DPYSL3: variants seen among roughly 807,000 people sequenced by gnomAD.
DPYSL3 encodes dihydropyrimidinase like 3.
A neutral mutation model predicts 66.1 loss-of-function variants in DPYSL3; 16 were observed. The ratio of observed to expected loss-of-function variants is 0.24; its 90% CI spans 0.16 to 0.37. The LOEUF (loss-of-function observed/expected upper bound fraction) is 0.37. DPYSL3 is among the 10% of genes least tolerant of loss of function. DPYSL3 has a pLI of 1.00. For synonymous variants in DPYSL3, 338 were observed against 345.1 expected (o/e 0.98, Z 0.23); for missense variants, 738 against 916.2 (o/e 0.81, Z 2.51).
chr5:147,466,531 G>A lies in DPYSL3; in HGVS notation c.382-41568C>T, dbSNP rs1753012305. Among the ~76,000 whole-genome samples, 5 of 152,122 alleles carry A rather than the reference G, an allele frequency of 3.3e-5. No homozygotes were observed. In the South Asian group the frequency reaches 8.3e-4, roughly 25 times the overall value. ...AAAAGCCTGTCTGAGAACATGCGCC[G>A]GAGCTGCTGAATCTTCAGTTAAGTG... On this transcript the variant is annotated intron_variant, in intron 1 of 13. Transcript: ENST00000343218.
chr5:147,434,750 G>T (rs1752386460), intron 1 of DPYSL3, among the ~76,000 whole-genome samples: 1 of 151,798 alleles, frequency 6.6e-6, no homozygotes, highest in South Asian at 2.1e-4. Flanking sequence ...GGGGGGTAGG[G>T]GAACAGGGAG....
chr5:147,404,254 C>T (rs1758275370), intron 8 of DPYSL3, among the ~76,000 whole-genome samples: 1 of 152,220 alleles, frequency 6.6e-6, no homozygotes, highest in African/African-American at 2.4e-5. Context: ...GAGAAAACAG[C>T]AGGCCTACGA....
chr5:147,479,076 A>G (rs369022290), intron 1 of DPYSL3, among the ~76,000 whole-genome samples: 7 of 150,614 alleles, frequency 4.6e-5, no homozygotes. Flanking sequence ...TAATTAAAGG[A>G]AAAAAAAAGT....
At chr5:147,424,615 AAAGCCTT>A (rs150661865) in intron 2 of DPYSL3, among the ~76,000 whole-genome samples, 1 of 152,284 alleles carries the variant, frequency 6.6e-6, no homozygotes, top group East Asian at 1.9e-4. Flanking sequence ...CCTATTGCAC[AAAGCCTT>A]ATATTTTTAG....
intron 4 of DPYSL3, 147 bp downstream of exon 4, chr5:147,415,562 G>A: frequency 1.0e-6 from 1 of 961,160 alleles, no homozygotes; most frequent in Admixed American, 2.4e-5. Context: ...TAAAGTGCCT[G>A]GAACATTGTG....
Position 147,397,683 on chromosome 5 carries a change from T to G in DPYSL3, c.1786A>C (p.Ile596Leu), listed in dbSNP as rs965952237. 11 of 1,613,860 alleles carry G rather than the reference T, an allele frequency of 6.8e-6. No homozygotes were observed. Among genetic ancestry groups the G allele is most frequent in the Non-Finnish European group, 9.3e-6 (11 of 1,179,898 alleles). Residue 596 changes from isoleucine to leucine, a missense_variant, in exon 12 of 14, where the codon ATT (isoleucine) becomes CTT (leucine). Physicochemically the swap from Ile to Leu is conservative, Grantham distance 5. Transcript: ENST00000343218. Reference sequence around the variant, plus strand: ...CTTTTTACCTTCCTCCGTGCTTTAATGCGCTTGTAGACATAGTCGGAGAAC... The same window carrying G: ...CTTTTTACCTTCCTCCGTGCTTTAAGGCGCTTGTAGACATAGTCGGAGAAC... ...SPFSDYVYKR[I>L]KARRKMADLH...
chr5:147,507,539 T>A (rs1490064473), intron 1 of DPYSL3, among the ~76,000 whole-genome samples: 3 of 152,178 alleles, frequency 2.0e-5, no homozygotes, highest in African/African-American at 7.2e-5. Flanking sequence ...TCTAGCCACA[T>A]AGATAAATCC....
At chr5:147,480,706 T>TA (rs953765443) in intron 1 of DPYSL3, among the ~76,000 whole-genome samples, 196 of 42,504 alleles carry the variant, frequency 4.6e-3, no homozygotes, top group Middle Eastern at 0.037. Flanking sequence ...TATATATATA[T>TA]TATTATTATT....
intron 1 of DPYSL3, among the ~76,000 whole-genome samples, chr5:147,500,613 C>CAA (rs755104191): frequency 8.9e-4 from 51 of 57,192 alleles, no homozygotes; most frequent in African/African-American, 2.1e-3. Context: ...GACTCCATCT[C>CAA]AAAAAAAAAA....
At chr5:147,394,305 G>A (rs537854838) in intron 13 of DPYSL3, among the ~76,000 whole-genome samples, 182 bp from the exon 14 acceptor site, 11 of 152,224 alleles carry the variant, frequency 7.2e-5, no homozygotes, top group African/African-American at 2.4e-4. Flanking sequence ...TTATGGCCCC[G>A]AAAACTAGCC....
chr5:147,428,576 C>T (rs1752244402), intron 1 of DPYSL3, among the ~76,000 whole-genome samples: 1 of 152,138 alleles, frequency 6.6e-6, no homozygotes, highest in Non-Finnish European at 1.5e-5. Context: ...TCTATGAATT[C>T]ATGGATGAGC....
intron 1 of DPYSL3, among the ~76,000 whole-genome samples, chr5:147,444,617 T>G (rs1380979199): frequency 6.6e-6 from 1 of 152,172 alleles, no homozygotes; most frequent in Non-Finnish European, 1.5e-5. Context: ...AAGGCTCTAG[T>G]GATTACCATT....
At chr5:147,478,379 G>A (rs1170042263) in intron 1 of DPYSL3, among the ~76,000 whole-genome samples, 3 of 152,180 alleles carry the variant, frequency 2.0e-5, no homozygotes, top group African/African-American at 7.2e-5. Context: ...TAAGAAAGAA[G>A]GAGACAACTG....
chr5:147,509,402 T>C lies in DPYSL3; in HGVS notation c.381+76A>G. 6 of 1,439,484 alleles carry C rather than the reference T, an allele frequency of 4.2e-6. No individual in the cohort carries two copies. The highest frequency in any genetic ancestry group is 5.5e-6 in the Non-Finnish European group (6 of 1,099,288). 89.2% of individuals were successfully genotyped at this position (1,439,484 alleles called of 1,614,324 possible). ...CCCGTGCAAAGTGAGCTGGAGAAAG[T>C]TGTGCCCGGGCCATGGCGGCCAGGG... On this transcript the variant is annotated intron_variant, in intron 1 of 13. Transcript: ENST00000343218. This position sits in a 1 kb window ranked among gnomAD's most constrained non-coding sequence, Gnocchi z 5.3.
At chr5:147,507,936 A>C (rs1489200646) in intron 1 of DPYSL3, among the ~76,000 whole-genome samples, 1 of 152,130 alleles carries the variant, frequency 6.6e-6, no homozygotes. Context: ...ATTGTTACCG[A>C]CCTTTTCCAT....
chr5:147,400,232 A>G (rs1758130992), intron 10 of DPYSL3, among the ~76,000 whole-genome samples: 1 of 152,232 alleles, frequency 6.6e-6, no homozygotes, highest in Non-Finnish European at 1.5e-5. Context: ...ATTTAGAGAC[A>G]ATCACTTGTA....
intron 1 of DPYSL3, among the ~76,000 whole-genome samples, chr5:147,427,698 A>G (rs1409311625): frequency 6.6e-6 from 1 of 152,106 alleles, no homozygotes; most frequent in Admixed American, 6.5e-5. Flanking sequence ...CAAGTCACAG[A>G]CCAGCACAAG....
chr5:147,401,371 G>C (rs1758172302), intron 9 of DPYSL3, among the ~76,000 whole-genome samples, 169 bp downstream of exon 9: 1 of 152,136 alleles, frequency 6.6e-6, no homozygotes, highest in Non-Finnish European at 1.5e-5. Context: ...AAACAGGATG[G>C]GGAAGAGCCT....
At chr5:147,471,605 G>A (rs1246305739) in intron 1 of DPYSL3, among the ~76,000 whole-genome samples, 2 of 152,228 alleles carry the variant, frequency 1.3e-5, no homozygotes, top group South Asian at 2.1e-4. Flanking sequence ...TAACCTAAAC[G>A]TGGTGCAAGG....
Sources: allele counts gnomAD v4.1 joint callset (sites outside exome capture counted in the v4.1 genomes callset), GRCh38; gene constraint gnomAD v4.1.1; non-coding constraint Gnocchi (gnomAD v3.1); transcripts MANE v1.5; gene names NCBI Gene and HGNC (gene_info 2026-07-23, HGNC 2026-07-21).